CSMD3: variants seen among roughly 807,000 people sequenced by gnomAD.
CSMD3 encodes CUB and Sushi multiple domains 3.
Under a neutral mutation model 435.2 loss-of-function variants are expected in CSMD3, and 177 were observed. The ratio of observed to expected loss-of-function variants is 0.41; its 90% CI spans 0.36 to 0.46. CSMD3 has a LOEUF of 0.46. Among genes scored for constraint, CSMD3 ranks in the 20% least tolerant of loss-of-function variants. The pLI is 0.34. For synonymous variants in CSMD3, 1,656 were observed against 1,520.5 expected, an observed-to-expected ratio of 1.09 and a Z score of -2.07; for missense variants, 4,265 against 4,504.6, an observed-to-expected ratio of 0.95 and a Z score of 1.52.
chr8:112,238,284 T>C (rs1813789635), intron 66 of CSMD3, among the ~76,000 whole-genome samples: 1 of 151,978 alleles, frequency 6.6e-6, no homozygotes, highest in South Asian at 2.1e-4. Context: ...TTTTAATTTG[T>C]CTAACAAGTT....
At chr8:112,259,583 G>A (rs1816187510) in intron 61 of CSMD3, among the ~76,000 whole-genome samples, 1 of 152,054 alleles carries the variant, frequency 6.6e-6, no homozygotes, top group South Asian at 2.1e-4. Flanking sequence ...AGAACTTAAA[G>A]TATAATAATA....
chr8:113,095,685 CAAT>C (rs1261845245), intron 5 of CSMD3, among the ~76,000 whole-genome samples: 2 of 151,894 alleles, frequency 1.3e-5, no homozygotes, highest in Non-Finnish European at 2.9e-5. Flanking sequence ...ATCCATACAA[CAAT>C]AATACAACAA....
Position 112,224,412 on chromosome 8 carries a change from CTT to C in CSMD3, c.*357_*358del. On this transcript the variant is annotated 3_prime_UTR_variant, in exon 71 of 71. Transcript: ENST00000297405. ...TATAGCTCTTATTTCTACCCTATAT[CTT>C]TTTTTTTAAACCCAGTCCCTCTAAT... The C allele has an allele frequency of 3.3e-6, 1 of 303,764 alleles. No homozygotes were observed. The highest frequency in any genetic ancestry group is 6.4e-6 in the Non-Finnish European group (1 of 155,602). 18.8% of individuals were successfully genotyped at this position (303,764 alleles called of 1,614,324 possible). A position where few individuals can be genotyped will look rare whatever the true frequency, so the allele number is the denominator to read the frequency against.
chr8:112,675,250 G>C (rs1056238181), intron 16 of CSMD3, among the ~76,000 whole-genome samples: 1 of 152,040 alleles, frequency 6.6e-6, no homozygotes, highest in African/African-American at 2.4e-5. Flanking sequence ...ATCATTTCGA[G>C]TATCCACAAG....
rs2090247754 is a variant in CSMD3, at chr8:113,098,959, T to C, written c.714A>G (p.Glu238=). The C allele has an allele frequency of 6.2e-7, 1 of 1,604,294 alleles. No individual in the cohort carries two copies. The highest frequency in any genetic ancestry group is 8.5e-7 in the Non-Finnish European group (1 of 1,171,550). ...CTCTCATTGTTCCTCCACAAGCATC[T>C]TCAGCTGTTAAAAATGACAAAATAT... is the stretch of plus-strand genomic sequence containing the variant. ...WDFPVPICRA[E]DACGGTMRGS... The change falls in exon 5 of 71, where the codon GAA becomes GAG. Residue 238 remains glutamate, a synonymous_variant. Coordinates refer to ENST00000297405, the MANE Select transcript of CSMD3 (RefSeq NM_198123.2).
chr8:112,592,767 A>G (rs190384448), intron 22 of CSMD3, among the ~76,000 whole-genome samples: 1 of 152,256 alleles, frequency 6.6e-6, no homozygotes, highest in East Asian at 1.9e-4. Flanking sequence ...ATTAAAAATA[A>G]TGTTCTTAAT....
intron 10 of CSMD3, among the ~76,000 whole-genome samples, chr8:112,870,412 G>A (rs1447039946): frequency 6.6e-6 from 1 of 151,626 alleles, no homozygotes; most frequent in Non-Finnish European, 1.5e-5. Context: ...GGGACTACAG[G>A]TGCCTGCCAC....
intron 13 of CSMD3, 27 bp downstream of exon 13, chr8:112,800,135 A>T: frequency 7.1e-7 from 1 of 1,411,786 alleles, no homozygotes; most frequent in Non-Finnish European, 1.0e-6. Context: ...TTAAGATAAC[A>T]TTTCCTATGT....
At chr8:112,530,891 G>A (rs545382227) in intron 27 of CSMD3, among the ~76,000 whole-genome samples, 1 of 152,174 alleles carries the variant, frequency 6.6e-6, no homozygotes, top group Non-Finnish European at 1.5e-5. Flanking sequence ...CTAGCTGACT[G>A]AAATGGTCTT....
chr8:112,650,025 A>T, intron 19 of CSMD3, 136 bp downstream of exon 19: 2 of 674,186 alleles, frequency 3.0e-6, no homozygotes, highest in South Asian at 1.8e-5. Context: ...TGGTTTGATA[A>T]CATAAATTTG....
chr8:112,411,763 G>T (rs1468059695), intron 32 of CSMD3, among the ~76,000 whole-genome samples: 1 of 151,994 alleles, frequency 6.6e-6, no homozygotes. Context: ...AATTTATTTA[G>T]TTTTTTAAGG....
At chr8:113,391,524 G>A (rs574292289) in intron 1 of CSMD3, among the ~76,000 whole-genome samples, 5 of 151,986 alleles carry the variant, frequency 3.3e-5, no homozygotes, top group South Asian at 2.1e-4. Flanking sequence ...AAGAAATTAT[G>A]GAAAGTTATA....
At chr8:112,957,451 TTTTG>T (rs562305207) in intron 7 of CSMD3, among the ~76,000 whole-genome samples, 1 of 152,164 alleles carries the variant, frequency 6.6e-6, no homozygotes, top group Non-Finnish European at 1.5e-5. Flanking sequence ...CATGTCATAT[TTTTG>T]TTTGTTTGTT....
chr8:112,338,443 A>G (rs1406502465), intron 42 of CSMD3, among the ~76,000 whole-genome samples: 1 of 152,214 alleles, frequency 6.6e-6, no homozygotes, highest in African/African-American at 2.4e-5. Context: ...ACATTACTAA[A>G]TAAATGTTAG....
intron 30 of CSMD3, among the ~76,000 whole-genome samples, chr8:112,494,631 G>A (rs1421186483): frequency 6.6e-6 from 1 of 150,708 alleles, no homozygotes; most frequent in Non-Finnish European, 1.5e-5. Flanking sequence ...CTCTGGAAAT[G>A]TAGCAGTGGA....
At chr8:113,358,771 C>T (rs900831170) in intron 1 of CSMD3, among the ~76,000 whole-genome samples, 1 of 151,882 alleles carries the variant, frequency 6.6e-6, no homozygotes, top group African/African-American at 2.4e-5. Flanking sequence ...TCTAAAGAAG[C>T]ATCTCTGGGA....
At chr8:112,773,533 C>T (rs2078172941) in intron 13 of CSMD3, among the ~76,000 whole-genome samples, 1 of 151,984 alleles carries the variant, frequency 6.6e-6, no homozygotes, top group Admixed American at 6.6e-5. Flanking sequence ...TCCAAAGCAA[C>T]ATGTACAGCA....
At chr8:113,393,401 A>T (rs185925887) in intron 1 of CSMD3, among the ~76,000 whole-genome samples, 1 of 152,272 alleles carries the variant, frequency 6.6e-6, no homozygotes, top group Non-Finnish European at 1.5e-5. Flanking sequence ...AACATTTTTT[A>T]AAAACTTAAC....
intron 27 of CSMD3, among the ~76,000 whole-genome samples, chr8:112,535,255 T>C (rs894974544): frequency 2.0e-5 from 3 of 152,080 alleles, no homozygotes; most frequent in Non-Finnish European, 4.4e-5. Context: ...ATGACATGAT[T>C]GTATATCTAG....
Sources: allele counts gnomAD v4.1 joint callset (sites outside exome capture counted in the v4.1 genomes callset), GRCh38; gene constraint gnomAD v4.1.1; transcripts MANE v1.5; gene names NCBI Gene and HGNC (gene_info 2026-07-23, HGNC 2026-07-21).